Variants in COL9A2 observed in about 807,000 individuals in gnomAD.
COL9A2 encodes the protein collagen type IX alpha 2 chain, also known as collagen alpha-2(IX) chain.
A neutral mutation model predicts 111.6 loss-of-function variants in COL9A2; 66 were observed. The ratio of observed to expected loss-of-function variants is 0.59; its 90% CI spans 0.48 to 0.73. COL9A2 has a LOEUF of 0.73. Ranked by LOEUF, COL9A2 falls within the 30% of genes least tolerant of loss-of-function variation. The pLI is 0.00. For missense variants in COL9A2, 881 were observed against 954.1 expected (o/e 0.92, Z 1.01); for synonymous variants, 353 against 364.1 (o/e 0.97, Z 0.35).
At position 40,304,866 on chromosome 1, in the gene COL9A2, G is replaced by A. The variant is rs1643999693; in HGVS notation, c.1108-19C>T. 5 of 1,548,186 alleles carry A rather than the reference G, an allele frequency of 3.2e-6. No homozygotes were observed. The highest frequency in any genetic ancestry group is 4.4e-6 in the Non-Finnish European group (5 of 1,146,576). The stretch of plus-strand genomic sequence containing the variant: ...GCTCTCCCTGGAGGAAGGAGAAATT[G>A]GGGCTAAGCGTTTGACCTGGTGGAA... On this transcript the variant is annotated intron_variant, in intron 21 of 31. Coordinates refer to ENST00000372748, the MANE Select transcript of COL9A2 (RefSeq NM_001852.4).
In COL9A2 at chr1:40,311,993, C is replaced by T; in HGVS notation, c.417+66G>A. On this transcript the variant is annotated intron_variant, in intron 8 of 31. Coordinates refer to ENST00000372748, the MANE Select transcript of COL9A2 (RefSeq NM_001852.4). The surrounding 1 kb of genome is among the most constrained non-coding windows in gnomAD (Gnocchi z 5.1). ...GCAGGCCCAGGAACTTCCAGAAAGACCACCCAGCTTGCCAGCTTGGAGATA... is the reference window on the plus strand; with the variant it reads ...GCAGGCCCAGGAACTTCCAGAAAGATCACCCAGCTTGCCAGCTTGGAGATA... 6.6e-7 allele frequency: 1 copy of T among 1,513,264 alleles called. No individual in the cohort carries two copies. Among genetic ancestry groups the T allele is most frequent in the Non-Finnish European group, 9.0e-7 (1 of 1,105,690 alleles). The allele number at this position is 1,513,264 out of a possible 1,614,324, so 93.7% of individuals were successfully genotyped here.
chr1:40,315,111 G>C (rs1444476919), intron 2 of COL9A2: 6 of 569,642 alleles, frequency 1.1e-5, no homozygotes. Flanking sequence ...TTCAGAATGA[G>C]GTATTTAACC....
chr1:40,317,198 G>C lies in COL9A2; in HGVS notation c.-1C>G. The C allele has an allele frequency of 6.4e-7, 1 of 1,571,104 alleles. No individual in the cohort carries two copies. The highest frequency in any genetic ancestry group is 8.6e-7 in the Non-Finnish European group (1 of 1,158,996). On this transcript the variant is annotated 5_prime_UTR_variant, in exon 1 of 32. Coordinates refer to ENST00000372748, the MANE Select transcript of COL9A2 (RefSeq NM_001852.4). This position sits in a 1 kb window ranked among gnomAD's most constrained non-coding sequence, Gnocchi z 4.3. ...GGGGGGAGGCCGTAGCGGCGGCCAT[G>C]GCTGGCGGCGAGACCAAGGGGGACG...
In COL9A2 at chr1:40,302,484, A is replaced by G; in HGVS notation, c.1792+137T>C. ...TCCGTTTGCTACTAGGAAAGAGCCC[A>G]GGAGTGTCTCCTGGACCATGTGGCT... is the stretch of plus-strand genomic sequence containing the variant. On this transcript the variant is annotated intron_variant, in intron 30 of 31. Transcript: ENST00000372748. This position sits in a 1 kb window ranked among gnomAD's most constrained non-coding sequence, Gnocchi z 4.5. 1.1e-6 allele frequency: 1 copy of G among 924,314 alleles called. No homozygotes were observed. The highest frequency in any genetic ancestry group is 2.6e-5 in the East Asian group (1 of 37,872). 57.3% of individuals were successfully genotyped at this position (924,314 alleles called of 1,614,324 possible).
chr1:40,311,477 C>A lies in COL9A2; in HGVS notation c.519+23G>T. The A allele has an allele frequency of 6.2e-7, 1 of 1,613,366 alleles. No individual in the cohort carries two copies. Among genetic ancestry groups the A allele is most frequent in the Admixed American group, 1.7e-5 (1 of 60,002 alleles). On this transcript the variant is annotated intron_variant, in intron 10 of 31. Transcript: ENST00000372748. The surrounding 1 kb of genome is among the most constrained non-coding windows in gnomAD (Gnocchi z 5.1). ...GTGGCCCCGCCCCCCTGTGTTAGCC[C>A]CGCCCCAGACCTCGTCTCTCACCAG... is the stretch of plus-strand genomic sequence containing the variant.
intron 21 of COL9A2, 138 bp from the exon 22 acceptor site, chr1:40,304,985 T>C (rs940662169): frequency 2.2e-5 from 14 of 647,598 alleles, no homozygotes; most frequent in Non-Finnish European, 2.1e-5. Context: ...TGTTCCATGG[T>C]TTTGGGTCCC....
chr1:40,307,819 A>T lies in COL9A2; in HGVS notation c.901-63T>A. 1 of 1,555,126 alleles carries T rather than the reference A, an allele frequency of 6.4e-7. No homozygotes were observed. The highest frequency in any genetic ancestry group is 8.9e-7 in the Non-Finnish European group (1 of 1,129,534). ...GGAGATGTCTGGGGTCTGGCCACCC[A>T]CCCCTGTTCCTCTGAGACAGCTGCA... On this transcript the variant is annotated intron_variant, in intron 17 of 31. Coordinates refer to ENST00000372748, the MANE Select transcript of COL9A2 (RefSeq NM_001852.4). The surrounding 1 kb of genome is among the most constrained non-coding windows in gnomAD (Gnocchi z 4.8).
Position 40,310,009 on chromosome 1 carries a change from C to T in COL9A2, c.793-18G>A. Reference sequence around the variant, plus strand: ...TCCTCACCCTGGCAAGAAAGACAAGCAGGAATCCAGGTCACACAGGCTCAG... The same window carrying T: ...TCCTCACCCTGGCAAGAAAGACAAGTAGGAATCCAGGTCACACAGGCTCAG... On this transcript the variant is annotated intron_variant, in intron 15 of 31. Coordinates refer to ENST00000372748, the MANE Select transcript of COL9A2 (RefSeq NM_001852.4). This position sits in a 1 kb window ranked among gnomAD's most constrained non-coding sequence, Gnocchi z 4.9. 1 of 1,614,154 alleles carries T rather than the reference C, an allele frequency of 6.2e-7. No homozygotes were observed. The highest frequency in any genetic ancestry group is 1.1e-5 in the South Asian group (1 of 91,084).
At position 40,301,129 on chromosome 1, in the gene COL9A2, G is replaced by T; in HGVS notation, c.*53C>A. 6.3e-7 allele frequency: 1 copy of T among 1,593,766 alleles called. No individual in the cohort carries two copies. The highest frequency in any genetic ancestry group is 1.3e-5 in the African/African-American group (1 of 74,676). On this transcript the variant is annotated 3_prime_UTR_variant, in exon 32 of 32. Coordinates refer to ENST00000372748, the MANE Select transcript of COL9A2 (RefSeq NM_001852.4). The stretch of plus-strand genomic sequence containing the variant: ...GGATGGGTGCATGTCCACCCAGAGG[G>T]GACCTGGTCCTTCCCGCCAGGATGC...
Position 40,316,808 on chromosome 1 carries a change from T to G in COL9A2, c.75+315A>C. On this transcript the variant is annotated intron_variant, in intron 1 of 31. Coordinates refer to ENST00000372748, the MANE Select transcript of COL9A2 (RefSeq NM_001852.4). The surrounding 1 kb of genome is among the most constrained non-coding windows in gnomAD (Gnocchi z 5.5). ...CTGCGCAGCGGGTGAATGAGCACCATTGTATGCCCCGCCACCTGGGCTCCC... is the reference window on the plus strand; with the variant it reads ...CTGCGCAGCGGGTGAATGAGCACCAGTGTATGCCCCGCCACCTGGGCTCCC... The G allele has an allele frequency of 3.7e-5, 17 of 460,946 alleles. No individual in the cohort carries two copies. Among genetic ancestry groups the G allele is most frequent in the East Asian group, 8.9e-5 (2 of 22,478 alleles). The allele number at this position is 460,946 out of a possible 1,614,324, so 28.6% of individuals were successfully genotyped here. A position where few individuals can be genotyped will look rare whatever the true frequency, so the allele number is the denominator to read the frequency against.
chr1:40,317,020 G>T lies in COL9A2; in HGVS notation c.75+103C>A. ...GGCGCTGTCCTCAGGTGGCCTCTCG[G>T]GCTAGGGGTGTCAGTAGGCGCGGGA... On this transcript the variant is annotated intron_variant, in intron 1 of 31. Transcript: ENST00000372748. This position sits in a 1 kb window ranked among gnomAD's most constrained non-coding sequence, Gnocchi z 4.3. 8.2e-7 allele frequency: 1 copy of T among 1,216,564 alleles called. No homozygotes were observed. Among genetic ancestry groups the T allele is most frequent in the Non-Finnish European group, 1.2e-6 (1 of 842,602 alleles). 75.4% of individuals were successfully genotyped at this position (1,216,564 alleles called of 1,614,324 possible). A position where few individuals can be genotyped will look rare whatever the true frequency, so the allele number is the denominator to read the frequency against.
intron 19 of COL9A2, among the ~76,000 whole-genome samples, chr1:40,306,632 C>A (rs1203728913): frequency 6.6e-6 from 1 of 151,980 alleles, no homozygotes; most frequent in Admixed American, 6.5e-5. Flanking sequence ...GAGGGACCAG[C>A]AAAGGCCTAA....
Position 40,315,633 on chromosome 1 carries a change from C to A in COL9A2, c.107G>T (p.Gly36Val). The change falls in exon 2 of 32, where the codon GGT (glycine) becomes GTT (valine). Residue 36 changes from glycine to valine, a missense_variant. Transcript: ENST00000372748. ...RGPPGERGPPGPPGPPGVPGS... is the reference protein window; with the variant it reads ...RGPPGERGPPVPPGPPGVPGS... ...AGGCACTCCCGGCGGTCCCGGGGGACCCGGGGGGCCCCGCTCTCCCGGTGG... is the reference window on the plus strand; with the variant it reads ...AGGCACTCCCGGCGGTCCCGGGGGAACCGGGGGGCCCCGCTCTCCCGGTGG... The A allele has an allele frequency of 4.5e-6, 7 of 1,553,776 alleles. No homozygotes were observed. Among genetic ancestry groups the A allele is most frequent in the Non-Finnish European group, 6.1e-6 (7 of 1,147,800 alleles).
At chr1:40,305,099 G>C (rs560827735) in intron 21 of COL9A2, 24 of 304,138 alleles carry the variant, frequency 7.9e-5, no homozygotes, top group South Asian at 1.3e-4. Context: ...AGGGAGTCTT[G>C]CTCTGTCACC....
chr1:40,305,350 C>A (rs939451578), intron 21 of COL9A2, among the ~76,000 whole-genome samples: 1 of 152,166 alleles, frequency 6.6e-6, no homozygotes, highest in African/African-American at 2.4e-5. Flanking sequence ...CCACCGCGCC[C>A]GGCGTGATCA....
At chr1:40,313,435 C>T (rs1644163344) in intron 4 of COL9A2, among the ~76,000 whole-genome samples, 1 of 152,214 alleles carries the variant, frequency 6.6e-6, no homozygotes, top group South Asian at 2.1e-4. Flanking sequence ...TCCCAAAGTG[C>T]TGGGATTACA....
Position 40,315,642 on chromosome 1 carries a change from C to G in COL9A2, c.98G>C (p.Gly33Ala), listed in dbSNP as rs894502029. Residue 33 changes from glycine (G) to alanine (A), a missense_variant, in exon 2 of 32, where the codon GGC (glycine) becomes GCC (alanine). Physicochemically the swap from Gly to Ala is moderately conservative, Grantham distance 60. Coordinates refer to ENST00000372748, the MANE Select transcript of COL9A2 (RefSeq NM_001852.4). ...AQIRGPPGER[G>A]PPGPPGPPGV... ...CGGCGGTCCCGGGGGACCCGGGGGG[C>G]CCCGCTCTCCCGGTGGACCTCTCTG... The G allele has an allele frequency of 2.6e-6, 4 of 1,553,606 alleles. No individual in the cohort carries two copies. The highest frequency in any genetic ancestry group is 1.4e-5 in the African/African-American group (1 of 73,526).
chr1:40,304,146 G>A (rs1440356449), intron 24 of COL9A2, 47 bp from the exon 25 acceptor site: 14 of 1,526,082 alleles, frequency 9.2e-6, no homozygotes, highest in African/African-American at 6.9e-5. Flanking sequence ...CCCCCTCCAC[G>A]GGGTCCCCCA....
At position 40,303,949 on chromosome 1, in the gene COL9A2, G is replaced by T; in HGVS notation, c.1347C>A (p.Leu449=). ...GKVGDPGVAG[L]PGEKGEKGES... The stretch of plus-strand genomic sequence containing the variant: ...TCACCTTCTCGCCTTTCTCTCCGGG[G>T]AGGCCGGCCACCCCTGGGTCACCCT... Residue 449 remains leucine, a synonymous_variant, in exon 26 of 32, where the codon CTC becomes CTA. Coordinates refer to ENST00000372748, the MANE Select transcript of COL9A2 (RefSeq NM_001852.4). The surrounding 1 kb of genome is among the most constrained non-coding windows in gnomAD (Gnocchi z 4.6). 1 of 1,561,010 alleles carries T rather than the reference G, an allele frequency of 6.4e-7. No homozygotes were observed. The highest frequency in any genetic ancestry group is 8.7e-7 in the Non-Finnish European group (1 of 1,152,092).
Sources: allele counts gnomAD v4.1 joint callset (sites outside exome capture counted in the v4.1 genomes callset), GRCh38; gene constraint gnomAD v4.1.1; non-coding constraint Gnocchi (gnomAD v3.1); transcripts MANE v1.5; gene names NCBI Gene and HGNC (gene_info 2026-07-23, HGNC 2026-07-21).